The following SEMA6D variants were observed in gnomAD, a reference collection of about 807,000 sequenced individuals.
SEMA6D encodes semaphorin-6D.
In SEMA6D, 35 loss-of-function variants were observed where a neutral mutation model predicts 106.6. The ratio of observed to expected loss-of-function variants is 0.33; its 90% CI spans 0.25 to 0.44. The LOEUF (loss-of-function observed/expected upper bound fraction) is 0.44, where lower values mean the gene tolerates loss of function less well. SEMA6D is among the 20% of genes least tolerant of loss of function. The pLI is 1.00. For synonymous variants in SEMA6D, 499 were observed against 487.7 expected, an observed-to-expected ratio of 1.02 and a Z score of -0.31; for missense variants, 1,185 against 1,345.9, an observed-to-expected ratio of 0.88 and a Z score of 1.87.
chr15:47,232,508 G>A (rs991840394), intron 1 of SEMA6D, among the ~76,000 whole-genome samples: 3 of 135,430 alleles, frequency 2.2e-5, no homozygotes, highest in Non-Finnish European at 4.7e-5. Flanking sequence ...TCTAGCTCTT[G>A]TTATTCTATG....
At chr15:47,359,655 T>G (rs2038723656) in intron 1 of SEMA6D, 1 of 152,126 alleles carries the variant, frequency 6.6e-6, no homozygotes, top group African/African-American at 2.4e-5. Flanking sequence ...GATTAATATC[T>G]ACTAAGTTCA....
intron 4 of SEMA6D, among the ~76,000 whole-genome samples, chr15:47,681,786 A>G (rs577868273): frequency 6.6e-6 from 1 of 152,308 alleles, no homozygotes; most frequent in East Asian, 1.9e-4. Flanking sequence ...TAATTGTAAA[A>G]CATTGTGAAA....
intron 1 of SEMA6D, among the ~76,000 whole-genome samples, chr15:47,295,932 C>T (rs1107930): frequency 0.43 from 65,115 of 152,004 alleles, 16,455 homozygotes; most frequent in Non-Finnish European, 0.56. Context: ...TTCAGGTGCC[C>T]AGTGCTGCCT....
intron 4 of SEMA6D, among the ~76,000 whole-genome samples, chr15:47,626,772 T>C (rs117011473): frequency 0.011 from 1,608 of 152,164 alleles, 17 homozygotes; most frequent in South Asian, 0.045. Flanking sequence ...GATAGAGTGT[T>C]AAGCAAGTAA....
intron 3 of SEMA6D, among the ~76,000 whole-genome samples, chr15:47,541,852 A>G (rs1342301645): frequency 2.0e-5 from 3 of 149,980 alleles, no homozygotes; most frequent in Non-Finnish European, 4.4e-5. Context: ...GAGCTGTTCT[A>G]AATCAGTTCT....
intron 1 of SEMA6D, among the ~76,000 whole-genome samples, chr15:47,246,925 C>G (rs901464988): frequency 8.5e-5 from 13 of 152,070 alleles, no homozygotes; most frequent in Non-Finnish European, 1.6e-4. Flanking sequence ...GTGTGGCGGC[C>G]AAATGACGAA....
intron 1 of SEMA6D, among the ~76,000 whole-genome samples, chr15:47,739,381 G>A (rs962543660): frequency 3.3e-5 from 5 of 152,066 alleles, no homozygotes; most frequent in East Asian, 3.9e-4. Context: ...CAAAGAATTC[G>A]GCCAGGTGCC....
chr15:47,516,472 A>T (rs1415578573), intron 3 of SEMA6D, among the ~76,000 whole-genome samples: 1 of 152,138 alleles, frequency 6.6e-6, no homozygotes, highest in African/African-American at 2.4e-5. Context: ...TTACTGTCAA[A>T]CTGAGTGGAT....
chr15:47,392,743 T>C (rs2040081157), intron 1 of SEMA6D, among the ~76,000 whole-genome samples: 1 of 152,190 alleles, frequency 6.6e-6, no homozygotes, highest in Non-Finnish European at 1.5e-5. Context: ...TAATTTTTTA[T>C]GGCAACAGCA....
At chr15:47,579,103 C>T (rs1397318908) in intron 3 of SEMA6D, among the ~76,000 whole-genome samples, 2 of 151,268 alleles carry the variant, frequency 1.3e-5, no homozygotes, top group African/African-American at 4.9e-5. Flanking sequence ...CTGAAAGTTA[C>T]ACTCTGTAGG....
At chr15:47,756,034 C>G (rs1391549837) in intron 1 of SEMA6D, among the ~76,000 whole-genome samples, 2 of 151,980 alleles carry the variant, frequency 1.3e-5, no homozygotes, top group African/African-American at 4.8e-5. Flanking sequence ...GAGCTTTCCT[C>G]ATCATATTTA....
upstream of SEMA6D, among the ~76,000 whole-genome samples, chr15:47,714,216 C>T (rs1030647162): frequency 6.6e-6 from 1 of 152,132 alleles, no homozygotes; most frequent in Non-Finnish European, 1.5e-5. Context: ...TATGACCTCA[C>T]TATTATTAAC....
At chr15:47,645,369 C>T (rs2077563014) in intron 4 of SEMA6D, among the ~76,000 whole-genome samples, 2 of 152,178 alleles carry the variant, frequency 1.3e-5, no homozygotes, top group African/African-American at 4.8e-5. Flanking sequence ...TTGTCCAGCC[C>T]ACTCCCTGGC....
chr15:47,431,328 A>G (rs1310806814), intron 2 of SEMA6D, among the ~76,000 whole-genome samples: 1 of 152,136 alleles, frequency 6.6e-6, no homozygotes, highest in Non-Finnish European at 1.5e-5. Flanking sequence ...ATGCCCTTCA[A>G]ATTAACACCT....
At chr15:47,663,101 C>T (rs57574971) in intron 4 of SEMA6D, among the ~76,000 whole-genome samples, 5,351 of 152,168 alleles carry the variant, frequency 0.035, 308 homozygotes, top group African/African-American at 0.12. Flanking sequence ...TAATGATCAA[C>T]GTGAGATAAT....
At chr15:47,648,814 C>A (rs2077629669) in intron 4 of SEMA6D, among the ~76,000 whole-genome samples, 1 of 152,034 alleles carries the variant, frequency 6.6e-6, no homozygotes, top group Non-Finnish European at 1.5e-5. Flanking sequence ...ATTAGAAGTT[C>A]GGTGATGTTT....
chr15:47,590,669 G>A (rs2076422408), intron 3 of SEMA6D, among the ~76,000 whole-genome samples: 1 of 151,206 alleles, frequency 6.6e-6, no homozygotes, highest in Non-Finnish European at 1.5e-5. Context: ...TAAGAGGAAG[G>A]AGACACACAG....
At chr15:47,289,313 G>A (rs1011162440) in intron 1 of SEMA6D, among the ~76,000 whole-genome samples, 5 of 141,306 alleles carry the variant, frequency 3.5e-5, no homozygotes, top group South Asian at 2.2e-4. Context: ...AGAATCGCTC[G>A]AACCTAGGAG....
intron 4 of SEMA6D, among the ~76,000 whole-genome samples, chr15:47,664,560 T>TC (rs945080152): frequency 1.3e-5 from 2 of 152,194 alleles, no homozygotes; most frequent in Admixed American, 1.3e-4. Flanking sequence ...GAAATGACCG[T>TC]CCCTCCTCAC....
Sources: gnomAD v4.1 joint callset for allele counts (sites outside exome capture counted in the v4.1 genomes callset) on GRCh38, gnomAD v4.1.1 for gene constraint, MANE v1.5 for transcripts, NCBI Gene and HGNC (gene_info 2026-07-23, HGNC 2026-07-21) for gene names.